The following ACOXL variants were observed in gnomAD, a reference collection of about 807,000 sequenced individuals.
ACOXL encodes the protein acyl-coenzyme A oxidase-like protein.
In ACOXL, 70 loss-of-function variants were observed where a neutral mutation model predicts 71.9. That is an observed-to-expected ratio of 0.97 (90% confidence interval 0.80 to 1.19). ACOXL has a LOEUF of 1.19. Ranked by LOEUF, ACOXL falls within the 50% of genes most tolerant of loss-of-function variation. The probability of loss-of-function intolerance (pLI) is 0.00; values close to 1 mark genes in which losing one functional copy is unlikely to be tolerated. For synonymous variants in ACOXL, 253 were observed against 281.6 expected (o/e 0.90, Z 1.02); for missense variants, 703 against 736.3 (o/e 0.95, Z 0.52).
At chr2:110,890,872 A>G (rs544866689) in intron 10 of ACOXL, among the ~76,000 whole-genome samples, 1 of 152,210 alleles carries the variant, frequency 6.6e-6, no homozygotes, top group South Asian at 2.1e-4. Context: ...TCTGATGGAG[A>G]TTACATTGAA....
chr2:110,847,148 C>G (rs561624874), intron 10 of ACOXL, among the ~76,000 whole-genome samples: 1 of 152,078 alleles, frequency 6.6e-6, no homozygotes, highest in Non-Finnish European at 1.5e-5. Flanking sequence ...CCCCATCACC[C>G]ACACAGTGGG....
chr2:110,954,306 T>C (rs956355757), intron 12 of ACOXL, among the ~76,000 whole-genome samples: 2 of 152,230 alleles, frequency 1.3e-5, no homozygotes, highest in Non-Finnish European at 2.9e-5. Context: ...ACCTTGACAA[T>C]CTCATTTTTA....
chr2:110,967,686 T>C, intron 12 of ACOXL: 1 of 374,192 alleles, frequency 2.7e-6, no homozygotes, highest in African/African-American at 2.1e-5. Flanking sequence ...AATCAACAAT[T>C]ATAGTTGGAT....
intron 14 of ACOXL, among the ~76,000 whole-genome samples, chr2:111,001,349 A>G (rs997905404): frequency 3.3e-5 from 5 of 152,172 alleles, no homozygotes; most frequent in Admixed American, 3.3e-4. Context: ...CAAAATGAAT[A>G]GAGCCACTAA....
chr2:111,091,733 A>G (rs891123743), intron 16 of ACOXL, among the ~76,000 whole-genome samples: 36 of 152,216 alleles, frequency 2.4e-4, no homozygotes, highest in African/African-American at 8.7e-4. Context: ...ATTTCATAAA[A>G]GAGCTGAAAT....
At chr2:110,988,166 G>A (rs1268071309) in intron 13 of ACOXL, among the ~76,000 whole-genome samples, 1 of 152,186 alleles carries the variant, frequency 6.6e-6, no homozygotes, top group Admixed American at 6.5e-5. Context: ...AGCCAGACAT[G>A]GTGGCTCATG....
chr2:111,093,520 C>T lies in ACOXL; in HGVS notation c.1542+554C>T, dbSNP rs778681544. 8 of 1,613,956 alleles carry T rather than the reference C, an allele frequency of 5.0e-6. No individual in the cohort carries two copies. In the South Asian group the frequency reaches 6.6e-5, roughly 13 times the overall value. On this transcript the variant is annotated intron_variant, in intron 17 of 17. Transcript: ENST00000439055. The stretch of plus-strand genomic sequence containing the variant: ...CTGAAACACAAACAGGTATAAGACT[C>T]AGTCTCCACATGAAGGGAGCTCATA...
At chr2:110,752,801 C>G (rs1394504182) in intron 1 of ACOXL, among the ~76,000 whole-genome samples, 1 of 152,058 alleles carries the variant, frequency 6.6e-6, no homozygotes, top group Non-Finnish European at 1.5e-5. Flanking sequence ...AATTTAGCAG[C>G]TTAAACCCCA....
rs79210866 is a variant in ACOXL, at chr2:111,039,409, GA to G, written c.1369+7706del. ...TTACTCGAAACATGAGAACCAAAAA[GA>G]AAAAAAAAAAGGCAGCGTTTATCCT... is the stretch of plus-strand genomic sequence containing the variant. On this transcript the variant is annotated intron_variant, in intron 15 of 17. Transcript: ENST00000439055. Among the ~76,000 whole-genome samples, 138 of 142,898 alleles carry G rather than the reference GA, an allele frequency of 9.7e-4. 1 individual carries two copies. The highest frequency in any genetic ancestry group is 4.1e-3 in the East Asian group (20 of 4,878). 93.7% of individuals were successfully genotyped at this position (142,898 alleles called of 152,430 possible). A position where few individuals can be genotyped will look rare whatever the true frequency, so the allele number is the denominator to read the frequency against.
chr2:110,987,334 A>G, intron 13 of ACOXL, 117 bp downstream of exon 13: 3 of 878,948 alleles, frequency 3.4e-6, no homozygotes, highest in Non-Finnish European at 1.8e-6. Context: ...GCTGTATGCA[A>G]GAAATCTGTG....
intron 10 of ACOXL, among the ~76,000 whole-genome samples, chr2:110,858,289 C>T (rs1693508761): frequency 3.3e-5 from 5 of 152,162 alleles, no homozygotes; most frequent in Admixed American, 3.3e-4. Flanking sequence ...GACATCCTTT[C>T]GATGTTAGAG....
intron 11 of ACOXL, among the ~76,000 whole-genome samples, chr2:110,921,666 T>C (rs746402535): frequency 1.3e-5 from 2 of 152,062 alleles, no homozygotes; most frequent in African/African-American, 4.8e-5. Flanking sequence ...GTACTAGGAT[T>C]ACAGGCATGA....
chr2:110,906,293 G>T (rs62159555), intron 10 of ACOXL, among the ~76,000 whole-genome samples: 48,219 of 151,718 alleles, frequency 0.32, 7,949 homozygotes, highest in Middle Eastern at 0.39. Context: ...ATCCCAGCAC[G>T]TTGGGAGGCC....
At chr2:110,991,623 T>C (rs10496436) in intron 13 of ACOXL, among the ~76,000 whole-genome samples, 68,815 of 152,036 alleles carry the variant, frequency 0.45, 15,821 homozygotes, top group Middle Eastern at 0.53. Flanking sequence ...CAGTAAATGA[T>C]GGCCTGGGAT....
chr2:110,981,384 C>T (rs2062702735), intron 12 of ACOXL, among the ~76,000 whole-genome samples: 1 of 152,176 alleles, frequency 6.6e-6, no homozygotes, highest in African/African-American at 2.4e-5. Flanking sequence ...GTTGAAATCC[C>T]AGCCCCACCG....
At chr2:110,942,274 G>A (rs189507018) in intron 12 of ACOXL, among the ~76,000 whole-genome samples, 33 of 152,236 alleles carry the variant, frequency 2.2e-4, no homozygotes, top group Admixed American at 9.8e-4. Flanking sequence ...GGCAGAAATT[G>A]TCAGACTGGA....
intron 9 of ACOXL, among the ~76,000 whole-genome samples, chr2:110,839,791 T>C (rs1180704580): frequency 2.6e-5 from 4 of 152,010 alleles, no homozygotes; most frequent in Non-Finnish European, 5.9e-5. Flanking sequence ...CCTTTCACCC[T>C]CCCACAGCCT....
At chr2:110,806,356 C>T (rs538879816) in intron 9 of ACOXL, among the ~76,000 whole-genome samples, 5 of 152,294 alleles carry the variant, frequency 3.3e-5, no homozygotes, top group Admixed American at 1.3e-4. Flanking sequence ...TCAGTGGGGC[C>T]GGGTGGGTGT....
intron 6 of ACOXL, 54 bp downstream of exon 6, chr2:110,798,778 C>T: frequency 6.6e-7 from 1 of 1,512,116 alleles, no homozygotes; most frequent in Non-Finnish European, 9.2e-7. Flanking sequence ...TACTATTTAC[C>T]AGTGAAAAAC....
Sources: gnomAD v4.1 joint callset for allele counts (sites outside exome capture counted in the v4.1 genomes callset) on GRCh38, gnomAD v4.1.1 for gene constraint, MANE v1.5 for transcripts, NCBI Gene and HGNC (gene_info 2026-07-23, HGNC 2026-07-21) for gene names.